TBK1: variants seen among roughly 807,000 people sequenced by gnomAD.
TBK1 encodes the protein TANK binding kinase 1.
In TBK1, 37 loss-of-function variants were observed where a neutral mutation model predicts 99.9. The ratio of observed to expected loss-of-function variants is 0.37; its 90% confidence interval spans 0.28 to 0.49. The LOEUF is 0.49. Among genes scored for constraint, TBK1 ranks in the 20% least tolerant of loss-of-function variants. TBK1 has a pLI of 0.98. For missense variants in TBK1, 644 were observed against 872.5 expected, an observed-to-expected ratio of 0.74 and a Z score of 3.30; for synonymous variants, 258 against 279.8, an observed-to-expected ratio of 0.92 and a Z score of 0.78.
chr12:64,465,217 C>T (rs1320420380), intron 4 of TBK1, among the ~76,000 whole-genome samples: 1 of 116,256 alleles, frequency 8.6e-6, no homozygotes, highest in Non-Finnish European at 1.6e-5. Context: ...TGCACTTCAG[C>T]CTGGGCAACA....
intron 8 of TBK1, among the ~76,000 whole-genome samples, chr12:64,483,584 C>T (rs1399736435): frequency 6.6e-6 from 1 of 152,146 alleles, no homozygotes; most frequent in African/African-American, 2.4e-5. Context: ...GATGAGGAAA[C>T]AGTGCAGAGG....
rs755608827 is a variant in TBK1, at chr12:64,497,192, T to C, written c.1892T>C (p.Leu631Ser). 11 of 1,600,604 alleles carry C rather than the reference T, an allele frequency of 6.9e-6. No individual in the cohort carries two copies. Among genetic ancestry groups the C allele is most frequent in the Non-Finnish European group, 6.8e-6 (8 of 1,172,264 alleles). ...ATGCTTCATCTTAGGAAACAGTTAT[T>C]ATCGCTGACTAATCAGTGTTTTGAT... is the stretch of plus-strand genomic sequence containing the variant. ...RKMLHLRKQL[L>S]SLTNQCFDIE... The change falls in exon 18 of 21, where the codon TTA becomes TCA. Residue 631 changes from leucine to serine, a missense_variant. By Grantham distance (145) the Leu-to-Ser change is moderately radical. This residue lies in a region of TBK1 where 465 missense variants were observed against 588.0 expected (regional missense o/e 0.79). Coordinates refer to ENST00000331710, the MANE Select transcript of TBK1 (RefSeq NM_013254.4).
At chr12:64,488,854 T>C (rs972856543) in intron 12 of TBK1, among the ~76,000 whole-genome samples, 5 of 152,092 alleles carry the variant, frequency 3.3e-5, no homozygotes, top group Non-Finnish European at 7.4e-5. Context: ...TAGTTGGGTG[T>C]GGTGGCGCAC....
At chr12:64,497,090 A>G (rs1170236343) in intron 17 of TBK1, 40 bp downstream of exon 17, 1 of 1,586,864 alleles carries the variant, frequency 6.3e-7, no homozygotes, top group African/African-American at 1.3e-5. Context: ...GGTTGACTGC[A>G]CAATATAAAT....
At chr12:64,472,428 A>G (rs2040671984) in intron 5 of TBK1, among the ~76,000 whole-genome samples, 1 of 152,194 alleles carries the variant, frequency 6.6e-6, no homozygotes, top group South Asian at 2.1e-4. Context: ...GTTTGGGATC[A>G]TTTAGGTGGT....
intron 1 of TBK1, among the ~76,000 whole-genome samples, chr12:64,453,604 A>T (rs1240492017): frequency 6.6e-6 from 1 of 152,204 alleles, no homozygotes; most frequent in Non-Finnish European, 1.5e-5. Flanking sequence ...TTCCTAACCC[A>T]GCTTGGGGAT....
rs1318431589 is a variant in TBK1, at chr12:64,467,149, T to C, written c.540+67T>C. On this transcript the variant is annotated intron_variant, in intron 5 of 20. Transcript: ENST00000331710. ...ATATATTGTAATTATAATTGGGTAA[T>C]TGGTCAGCCAATTCACTATAAAATG... The C allele has an allele frequency of 3.2e-6, 4 of 1,249,782 alleles. No homozygotes were observed. The Admixed American group carries it at 1.0e-4, about 32-fold the overall frequency. 77.4% of individuals were successfully genotyped at this position (1,249,782 alleles called of 1,614,324 possible).
chr12:64,501,662 C>T lies in TBK1; in HGVS notation c.*281C>T, dbSNP rs1868248166. The stretch of plus-strand genomic sequence containing the variant: ...CGACCAATATGTTGACATACTGATC[C>T]TCTACTCTGAGTGGGGCTAAATAAG... On this transcript the variant is annotated 3_prime_UTR_variant, in exon 21 of 21. Transcript: ENST00000331710. 1 of 312,828 alleles carries T rather than the reference C, an allele frequency of 3.2e-6. No homozygotes were observed. The highest frequency in any genetic ancestry group is 5.8e-6 in the Non-Finnish European group (1 of 171,418). 19.4% of individuals were successfully genotyped at this position (312,828 alleles called of 1,614,324 possible).
chr12:64,496,683 A>G (rs2040928308), intron 16 of TBK1, among the ~76,000 whole-genome samples: 1 of 152,192 alleles, frequency 6.6e-6, no homozygotes, highest in African/African-American at 2.4e-5. Context: ...TACAGATAAT[A>G]CAGCACATAG....
Position 64,458,321 on chromosome 12 carries a change from CT to C in TBK1, c.88-1866del. Among the ~76,000 whole-genome samples, 3 of 152,116 alleles carry C rather than the reference CT, an allele frequency of 2.0e-5. No homozygotes were observed. The South Asian group carries it at 6.2e-4, about 32-fold the overall frequency. ...TGATATTAGCCCTTTTATATTATTT[CT>C]TAGAATGACCAAATTCTTACATTTA... On this transcript the variant is annotated intron_variant, in intron 2 of 20. Transcript: ENST00000331710.
intron 3 of TBK1, among the ~76,000 whole-genome samples, chr12:64,463,859 T>G (rs1034608926): frequency 5.9e-5 from 6 of 101,460 alleles, no homozygotes; most frequent in Non-Finnish European, 1.1e-4. Flanking sequence ...AAATGTTAGT[T>G]TTTTTTTTTT....
intron 2 of TBK1, among the ~76,000 whole-genome samples, chr12:64,456,684 C>CA (rs967416050): frequency 4.0e-5 from 6 of 151,230 alleles, no homozygotes; most frequent in Non-Finnish European, 7.4e-5. Context: ...ACTAAAAATA[C>CA]AAAAAAAATT....
intron 3 of TBK1, among the ~76,000 whole-genome samples, chr12:64,461,065 G>A (rs1187035661): frequency 6.6e-6 from 1 of 151,032 alleles, no homozygotes; most frequent in Non-Finnish European, 1.5e-5. Flanking sequence ...GGGTGATGGA[G>A]TGAGACCCTG....
chr12:64,496,942 A>G lies in TBK1; in HGVS notation c.1761-7A>G, dbSNP rs1181595833. The G allele has an allele frequency of 6.2e-7, 1 of 1,603,240 alleles. No individual in the cohort carries two copies. The highest frequency in any genetic ancestry group is 8.5e-7 in the Non-Finnish European group (1 of 1,174,534). On this transcript the variant is annotated splice_region_variant and splice_polypyrimidine_tract_variant and intron_variant, in intron 16 of 20. Coordinates refer to ENST00000331710, the MANE Select transcript of TBK1 (RefSeq NM_013254.4). ...GGTTTAAGCCTCTGATTATTTCTAA[A>G]TTACAGGCAAAAACTGTATTACCAT... is the stretch of plus-strand genomic sequence containing the variant.
intron 13 of TBK1, among the ~76,000 whole-genome samples, chr12:64,491,819 A>G (rs1198572716): frequency 2.0e-5 from 3 of 152,200 alleles, no homozygotes; most frequent in Non-Finnish European, 4.4e-5. Flanking sequence ...TGAGTAATGA[A>G]CAACTAGTAG....
At chr12:64,495,815 C>G in intron 15 of TBK1, 40 bp downstream of exon 15, 2 of 1,428,342 alleles carry the variant, frequency 1.4e-6, no homozygotes, top group South Asian at 1.3e-5. Context: ...ATAAATCCCT[C>G]TTAGTAATTA....
At chr12:64,498,848 G>A (rs2040956766) in intron 20 of TBK1, among the ~76,000 whole-genome samples, 1 of 151,184 alleles carries the variant, frequency 6.6e-6, no homozygotes, top group African/African-American at 2.4e-5. Context: ...CCCAGCTACT[G>A]GGGAGGCTGA....
chr12:64,472,160 C>CA (rs1241902422), intron 5 of TBK1, among the ~76,000 whole-genome samples: 2 of 151,540 alleles, frequency 1.3e-5, no homozygotes, highest in African/African-American at 4.9e-5. Flanking sequence ...TTTGGACACT[C>CA]ACGTCAATAC....
intron 15 of TBK1, 124 bp from the exon 16 acceptor site, chr12:64,496,243 C>A: frequency 4.7e-6 from 2 of 421,632 alleles, no homozygotes; most frequent in Admixed American, 4.6e-5. Context: ...ACCAATGAGC[C>A]ACAAATCTAT....
Sources: allele counts gnomAD v4.1 joint callset (sites outside exome capture counted in the v4.1 genomes callset), GRCh38; gene constraint gnomAD v4.1.1; regional missense constraint gnomAD v4.1.1; transcripts MANE v1.5; gene names NCBI Gene and HGNC (gene_info 2026-07-23, HGNC 2026-07-21).